Variants in ALDH1L2 observed in about 807,000 individuals in gnomAD.
ALDH1L2 encodes mitochondrial 10-formyltetrahydrofolate dehydrogenase.
ALDH1L2 carries 91 observed loss-of-function variants against 111.0 expected under a neutral mutation model. That is an observed-to-expected ratio of 0.82 (90% CI 0.69 to 0.98). The LOEUF (loss-of-function observed/expected upper bound fraction) is 0.98, where lower values mean the gene tolerates loss of function less well. Ranked by LOEUF, ALDH1L2 falls within the 50% of genes least tolerant of loss-of-function variation. The pLI is 0.00. For missense variants in ALDH1L2, 995 were observed against 1,126.8 expected, an observed-to-expected ratio of 0.88 and a Z score of 1.67; for synonymous variants, 374 against 392.6, an observed-to-expected ratio of 0.95 and a Z score of 0.56.
rs188742608 is a variant in ALDH1L2, at chr12:105,062,425, C to T, written c.921+463G>A. Among the ~76,000 whole-genome samples the T allele has an allele frequency of 2.2e-3, 338 of 152,292 alleles. 4 individuals are homozygous for T. Among genetic ancestry groups the T allele is most frequent in the East Asian group, 0.019 (99 of 5,172 alleles). ...CTTTGCACGCTTCATTGGGAAGCTT[C>T]GCAAGGGCACACTGAGGCCCAGGGC... On this transcript the variant is annotated intron_variant, in intron 7 of 22. Coordinates refer to ENST00000258494, the MANE Select transcript of ALDH1L2 (RefSeq NM_001034173.4).
At chr12:105,053,752 A>C (rs1041235446) in intron 10 of ALDH1L2, among the ~76,000 whole-genome samples, 1 of 152,116 alleles carries the variant, frequency 6.6e-6, no homozygotes. Context: ...GTCTGCAAAC[A>C]GTCCACTTTT....
chr12:105,024,462 C>T lies in ALDH1L2; in HGVS notation c.2734G>A (p.Glu912Lys). 6.2e-7 allele frequency: 1 copy of T among 1,614,002 alleles called. No homozygotes were observed. Among genetic ancestry groups the T allele is most frequent in the Non-Finnish European group, 8.5e-7 (1 of 1,179,950 alleles). The change falls in exon 23 of 23, where the codon GAA becomes AAA. Residue 912 changes from glutamate to lysine, a missense_variant. By Grantham distance (56) the Glu-to-Lys change is moderately conservative. Transcript: ENST00000258494. The stretch of plus-strand genomic sequence containing the variant: ...GTCACCGTCTTGGTTTTGAGATATT[C>T]ATTTAGAGCTTCCTCACCTAGGGAA... ...GKDLGEEALN[E>K]YLKTKTVTLE... is the part of the protein sequence containing the mutation.
rs769090052 is a variant in ALDH1L2 at position 105,052,781 on chromosome 12, T to C, written c.1407+31A>G. 5.6e-6 allele frequency: 9 copies of C among 1,611,914 alleles called. No homozygotes were observed. In the South Asian group the frequency reaches 9.9e-5, roughly 18 times the overall value. On this transcript the variant is annotated intron_variant, in intron 11 of 22. Coordinates refer to ENST00000258494, the MANE Select transcript of ALDH1L2 (RefSeq NM_001034173.4). The stretch of plus-strand genomic sequence containing the variant: ...GTATTAACTAAAAATCCATGACCAG[T>C]GATCACTACTCACACTAAAGAATTA...
intron 3 of ALDH1L2, 32 bp from the exon 4 acceptor site, chr12:105,068,916 T>C: frequency 6.7e-7 from 1 of 1,487,020 alleles, no homozygotes; most frequent in Non-Finnish European, 9.0e-7. Flanking sequence ...TTTAAAATGT[T>C]GGTTAACTGT....
chr12:105,055,173 A>G (rs1420030376), intron 10 of ALDH1L2, among the ~76,000 whole-genome samples: 2 of 152,158 alleles, frequency 1.3e-5, no homozygotes, highest in Non-Finnish European at 2.9e-5. Context: ...GGAAGTGTGA[A>G]GGTAAGGCAG....
rs1592818432 is a variant in ALDH1L2, at chr12:105,084,294, G to A, written c.48+95C>T. 7.4e-6 allele frequency: 10 copies of A among 1,349,222 alleles called. No individual in the cohort carries two copies. In the East Asian group the frequency reaches 3.0e-4, roughly 41 times the overall value. 83.6% of individuals were successfully genotyped at this position (1,349,222 alleles called of 1,614,324 possible). A position where few individuals can be genotyped will look rare whatever the true frequency, so the allele number is the denominator to read the frequency against. ...TGTTTAGCAAAGTCTAAGCATCGCT[G>A]CTCATCCCCAGCCCCACCGCCCCGG... is the stretch of plus-strand genomic sequence containing the variant. On this transcript the variant is annotated intron_variant, in intron 1 of 22. Coordinates refer to ENST00000258494, the MANE Select transcript of ALDH1L2 (RefSeq NM_001034173.4).
chr12:105,059,831 C>T (rs757720345), intron 9 of ALDH1L2, among the ~76,000 whole-genome samples: 2 of 152,170 alleles, frequency 1.3e-5, no homozygotes, highest in African/African-American at 2.4e-5. Context: ...AGAGGAGGAA[C>T]ATTTTTGCCT....
intron 15 of ALDH1L2, among the ~76,000 whole-genome samples, chr12:105,046,189 CTCTCTATATATATA>C (rs1433338675): frequency 6.5e-4 from 15 of 23,156 alleles, no homozygotes; most frequent in Non-Finnish European, 9.4e-4. Flanking sequence ...CTCTCTCTCT[CTCTCTATATATATA>C]TATATATATA....
intron 2 of ALDH1L2, among the ~76,000 whole-genome samples, 172 bp from the exon 3 acceptor site, chr12:105,070,976 G>A (rs1251400438): frequency 1.3e-5 from 2 of 152,148 alleles, no homozygotes; most frequent in Non-Finnish European, 2.9e-5. Context: ...TCACACTAAG[G>A]TGATACATAT....
At chr12:105,070,856 T>G (rs1427335095) in intron 2 of ALDH1L2, 52 bp from the exon 3 acceptor site, 2 of 1,383,896 alleles carry the variant, frequency 1.4e-6, no homozygotes, top group South Asian at 1.3e-5. Flanking sequence ...TAATTTTACA[T>G]CACTATGAAT....
rs1354576878 is a variant in ALDH1L2 at position 105,024,484 on chromosome 12, G to A, written c.2717-5C>T. On this transcript the variant is annotated splice_polypyrimidine_tract_variant and splice_region_variant and intron_variant, in intron 22 of 22. Transcript: ENST00000258494. ...ATTCATTTAGAGCTTCCTCACCTAG[G>A]GAAGAGAAAAGCAGTTGACAGACCA... is the stretch of plus-strand genomic sequence containing the variant. 6.2e-7 allele frequency: 1 copy of A among 1,613,666 alleles called. No individual in the cohort carries two copies. The highest frequency in any genetic ancestry group is 1.7e-5 in the Admixed American group (1 of 59,942).
chr12:105,067,985 C>T (rs1267199877), intron 4 of ALDH1L2, among the ~76,000 whole-genome samples: 7 of 152,140 alleles, frequency 4.6e-5, no homozygotes, highest in Admixed American at 3.3e-4. Flanking sequence ...GCTACAGAGG[C>T]TAAGCGACTT....
At chr12:105,066,722 G>T in intron 4 of ALDH1L2, 53 bp from the exon 5 acceptor site, 1 of 1,498,408 alleles carries the variant, frequency 6.7e-7, no homozygotes, top group Non-Finnish European at 9.3e-7. Context: ...CAATGGCATG[G>T]TCTATTTGAC....
rs917946093 is a variant in ALDH1L2, at chr12:105,023,831, C to T, written c.*593G>A. ...ATTAAATTCTCTATACTCCTCAGAA[C>T]ATAATATAGTACCTGGTACCTAGTA... is the stretch of plus-strand genomic sequence containing the variant. On this transcript the variant is annotated 3_prime_UTR_variant, in exon 23 of 23. Transcript: ENST00000258494. 6.6e-6 allele frequency: 1 copy of T among 152,524 alleles called. No homozygotes were observed. The highest frequency in any genetic ancestry group is 2.4e-5 in the African/African-American group (1 of 41,408). 9.4% of individuals were successfully genotyped at this position (152,524 alleles called of 1,614,324 possible).
intron 16 of ALDH1L2, 29 bp downstream of exon 16, chr12:105,040,578 A>T (rs1234533491): frequency 1.1e-5 from 18 of 1,606,944 alleles, no homozygotes; most frequent in Admixed American, 5.0e-5. Flanking sequence ...TTCATTAGTT[A>T]TAGCACAGTC....
rs1877288496 is a variant in ALDH1L2, at chr12:105,065,372, A to C, written c.697-16T>G. 3.7e-6 allele frequency: 6 copies of C among 1,604,894 alleles called. No homozygotes were observed. In the African/African-American group the frequency reaches 8.0e-5, roughly 21 times the overall value. ...CCCAAGAAATCTAGGAAGGCACAAA[A>C]TACAGGCTGAGCCTCCTATGGCTGT... is the stretch of plus-strand genomic sequence containing the variant. On this transcript the variant is annotated splice_polypyrimidine_tract_variant and intron_variant, in intron 5 of 22. Transcript: ENST00000258494.
At chr12:105,039,642 A>C in intron 17 of ALDH1L2, 71 bp downstream of exon 17, 1 of 1,264,144 alleles carries the variant, frequency 7.9e-7, no homozygotes, top group Non-Finnish European at 1.2e-6. Context: ...CTCAAAAAGT[A>C]CCCTGTTTAA....
At chr12:105,058,990 C>T (rs10861338) in intron 9 of ALDH1L2, among the ~76,000 whole-genome samples, 30,428 of 151,700 alleles carry the variant, frequency 0.2, 3,314 homozygotes, top group African/African-American at 0.28. Context: ...CAGTACTGGC[C>T]GGGTGCGGTG....
intron 18 of ALDH1L2, among the ~76,000 whole-genome samples, chr12:105,036,092 T>A (rs188496439): frequency 0.039 from 1,772 of 46,006 alleles, 10 homozygotes; most frequent in East Asian, 0.15. Flanking sequence ...GTGTATATAT[T>A]ATATATACGT....
Sources: allele counts gnomAD v4.1 joint callset (sites outside exome capture counted in the v4.1 genomes callset), GRCh38; gene constraint gnomAD v4.1.1; transcripts MANE v1.5; gene names NCBI Gene and HGNC (gene_info 2026-07-23, HGNC 2026-07-21).